Variants in ELMOD3 observed in about 807,000 individuals in gnomAD.
The protein encoded by ELMOD3 is ELMO domain containing 3.
In ELMOD3, 36 loss-of-function variants were observed where a neutral mutation model predicts 47.4. That is an observed-to-expected ratio of 0.76 (90% CI 0.58 to 1.00). The LOEUF is 1.00. Ranked by LOEUF, ELMOD3 falls within the 50% of genes least tolerant of loss-of-function variation. ELMOD3 has a pLI of 0.00. For synonymous variants in ELMOD3, 149 were observed against 183.5 expected (o/e 0.81, Z 1.52); for missense variants, 404 against 463.8 (o/e 0.87, Z 1.18).
intron 4 of ELMOD3, among the ~76,000 whole-genome samples, chr2:85,358,601 G>A (rs1299276064): frequency 1.3e-5 from 2 of 152,076 alleles, no homozygotes; most frequent in East Asian, 1.9e-4. Flanking sequence ...AGGGAGCTTG[G>A]TCAGCTGTGA....
At chr2:85,369,668 G>A in intron 7 of ELMOD3, 71 bp from the exon 8 acceptor site, 1 of 1,523,236 alleles carries the variant, frequency 6.6e-7, no homozygotes, top group South Asian at 1.2e-5. Flanking sequence ...TGACAAGTAG[G>A]AGGGCCTCAG....
chr2:85,358,901 G>T (rs1310517986), intron 4 of ELMOD3, among the ~76,000 whole-genome samples: 1 of 152,202 alleles, frequency 6.6e-6, no homozygotes, highest in African/African-American at 2.4e-5. Context: ...AATGGTCTCT[G>T]CAGAGACAAG....
chr2:85,367,916 CT>C (rs1202869090), intron 6 of ELMOD3, among the ~76,000 whole-genome samples: 256 of 141,182 alleles, frequency 1.8e-3, no homozygotes, highest in Middle Eastern at 0.011. Context: ...CTTTTCTTTT[CT>C]TTTTTTTTTT....
At chr2:85,383,882 G>C (rs1215045038) in intron 11 of ELMOD3, among the ~76,000 whole-genome samples, 1 of 152,220 alleles carries the variant, frequency 6.6e-6, no homozygotes, top group Non-Finnish European at 1.5e-5. Context: ...GCGCACCTGT[G>C]ACACAGCCTC....
chr2:85,362,777 G>A (rs1684072402), intron 5 of ELMOD3, among the ~76,000 whole-genome samples: 2 of 152,164 alleles, frequency 1.3e-5, no homozygotes, highest in African/African-American at 4.8e-5. Flanking sequence ...AACTAGCTGG[G>A]TGTGGTGATG....
intron 4 of ELMOD3, among the ~76,000 whole-genome samples, chr2:85,359,501 A>G (rs1189508304): frequency 7.2e-6 from 1 of 139,756 alleles, no homozygotes; most frequent in Non-Finnish European, 1.5e-5. Context: ...TCCGCCTCCC[A>G]GGTTCAAATG....
In ELMOD3 at chr2:85,371,102, CTA is replaced by C. The variant is rs1297961888; in HGVS notation, c.379_380del (p.Ile127SerfsTer39). The stretch of plus-strand genomic sequence containing the variant: ...CTTCCCCAGAAAAGAATCCAGCCAA[CTA>C]TTCGAAGGACTGGGCTCGCCGCCCT... On this transcript the variant is annotated frameshift_variant, in exon 9 of 14. Coordinates refer to ENST00000409013, the MANE Select transcript of ELMOD3 (RefSeq NM_001135022.2). LOFTEE classifies it high-confidence loss of function. The C allele has an allele frequency of 6.2e-7, 1 of 1,614,124 alleles. No homozygotes were observed. The highest frequency in any genetic ancestry group is 1.7e-5 in the Admixed American group (1 of 60,020).
At position 85,360,135 on chromosome 2, in the gene ELMOD3, G is replaced by T. The variant is rs185432287; in HGVS notation, c.55-2051G>T. Among the ~76,000 whole-genome samples the T allele has an allele frequency of 1.5e-3, 223 of 151,880 alleles. 3 individuals carry two copies. The East Asian group carries it at 0.037, about 25-fold the overall frequency. On this transcript the variant is annotated intron_variant, in intron 4 of 13. Coordinates refer to ENST00000409013, the MANE Select transcript of ELMOD3 (RefSeq NM_001135022.2). ...CTAAAAATTAGCAGGGCGTGGTGGC[G>T]CATGCCTGTAATCCCAGCTACTCAG...
chr2:85,380,051 T>A (rs150028243), intron 11 of ELMOD3, among the ~76,000 whole-genome samples: 1 of 152,238 alleles, frequency 6.6e-6, no homozygotes, highest in Non-Finnish European at 1.5e-5. Flanking sequence ...GTTTGAGTTC[T>A]TAAAAGAAAT....
chr2:85,389,229 C>T (rs146974270), intron 11 of ELMOD3, among the ~76,000 whole-genome samples: 1 of 152,324 alleles, frequency 6.6e-6, no homozygotes, highest in East Asian at 1.9e-4. Context: ...GGGGTGTCCC[C>T]CCAAGTCAGG....
At chr2:85,366,317 C>T (rs185441308) in intron 6 of ELMOD3, among the ~76,000 whole-genome samples, 39 of 152,196 alleles carry the variant, frequency 2.6e-4, no homozygotes, top group African/African-American at 9.4e-4. Context: ...TTTTTAGCTC[C>T]TATGCTGAAA....
chr2:85,378,903 G>A (rs908621218), intron 11 of ELMOD3, among the ~76,000 whole-genome samples: 2 of 152,194 alleles, frequency 1.3e-5, no homozygotes, highest in Non-Finnish European at 2.9e-5. Context: ...TTCATTTTTA[G>A]AAGGTTGTGA....
intron 8 of ELMOD3, among the ~76,000 whole-genome samples, chr2:85,370,857 C>T (rs142968944): frequency 1.2e-4 from 18 of 152,340 alleles, no homozygotes; most frequent in Middle Eastern, 3.4e-3. Context: ...ATAATACCTA[C>T]GCTTGGGGAT....
At chr2:85,367,306 CAGAG>C (rs1432063237) in intron 6 of ELMOD3, among the ~76,000 whole-genome samples, 2 of 152,140 alleles carry the variant, frequency 1.3e-5, no homozygotes, top group East Asian at 3.8e-4. Flanking sequence ...AGGATGGTGT[CAGAG>C]CTAACTGAAG....
Position 85,369,803 on chromosome 2 carries a change from C to T in ELMOD3, c.333C>T (p.Phe111=), listed in dbSNP as rs1383683449. ...LISFSEALQH[F]QTVDLSPFKK... Reference sequence around the variant, plus strand: ...CCTTCAGTGAGGCCCTGCAGCACTTCCAGACTGTGGACCTTTCCCCCTTCA... The same window carrying T: ...CCTTCAGTGAGGCCCTGCAGCACTTTCAGACTGTGGACCTTTCCCCCTTCA... Residue 111 remains phenylalanine, a synonymous_variant, in exon 8 of 14, where the codon TTC becomes TTT. Transcript: ENST00000409013. 1 of 1,614,146 alleles carries T rather than the reference C, an allele frequency of 6.2e-7. No individual in the cohort carries two copies. Among genetic ancestry groups the T allele is most frequent in the Non-Finnish European group, 8.5e-7 (1 of 1,179,976 alleles).
chr2:85,375,953 C>T (rs1685142726), intron 10 of ELMOD3, among the ~76,000 whole-genome samples: 1 of 152,184 alleles, frequency 6.6e-6, no homozygotes, highest in Non-Finnish European at 1.5e-5. Flanking sequence ...CTTTCTTTTC[C>T]ACTTTTAAGG....
chr2:85,367,488 G>A (rs1471657052), intron 6 of ELMOD3: 1 of 152,228 alleles, frequency 6.6e-6, no homozygotes, highest in African/African-American at 2.4e-5. Flanking sequence ...CAAAGCTAGA[G>A]AGGTAAGAAG....
At chr2:85,372,527 A>G (rs954131605) in intron 10 of ELMOD3, 2 of 152,154 alleles carry the variant, frequency 1.3e-5, no homozygotes, top group African/African-American at 4.8e-5. Context: ...TTTATCATAT[A>G]TTATTTTACT....
At chr2:85,364,826 T>TATATATATATATATA (rs1553417118) in intron 6 of ELMOD3, among the ~76,000 whole-genome samples, 4 of 54,772 alleles carry the variant, frequency 7.3e-5, no homozygotes, top group African/African-American at 2.5e-4. Flanking sequence ...TATATATATA[T>TATATATATATATATA]TTTTTTTTTT....
Sources: allele counts gnomAD v4.1 joint callset (sites outside exome capture counted in the v4.1 genomes callset), GRCh38; gene constraint gnomAD v4.1.1; transcripts MANE v1.5; gene names NCBI Gene and HGNC (gene_info 2026-07-23, HGNC 2026-07-21).